NRXN3: variants seen among roughly 807,000 people sequenced by gnomAD.
The protein encoded by NRXN3 is neurexin III.
In NRXN3, 32 loss-of-function variants were observed where a neutral mutation model predicts 137.6. That is an observed-to-expected ratio of 0.23 (90% CI 0.18 to 0.31). The LOEUF is 0.31. Among genes scored for constraint, NRXN3 ranks in the 10% least tolerant of loss-of-function variants. NRXN3 has a pLI of 1.00. For missense variants in NRXN3, 1,574 were observed against 2,062.5 expected (o/e 0.76, Z 4.59); for synonymous variants, 798 against 784.5 (o/e 1.02, Z -0.29).
intron 16 of NRXN3, among the ~76,000 whole-genome samples, chr14:79,544,929 G>T (rs61995209): frequency 6.6e-6 from 1 of 152,006 alleles, no homozygotes; most frequent in Non-Finnish European, 1.5e-5. Flanking sequence ...CTTGGAAGAG[G>T]GGAAAGCTCA....
At position 78,479,131 on chromosome 14, in the gene NRXN3, C is replaced by A. The variant is rs760711622; in HGVS notation, c.758-165989C>A. Reference sequence around the variant, plus strand: ...TTATTATTGCTCTAAGTCAGTTTTCCATCTTGGCTACACATTAGAATCACC... The same window carrying A: ...TTATTATTGCTCTAAGTCAGTTTTCAATCTTGGCTACACATTAGAATCACC... On this transcript the variant is annotated intron_variant, in intron 4 of 20. Transcript: ENST00000335750. Among the ~76,000 whole-genome samples, 83 of 152,140 alleles carry A rather than the reference C, an allele frequency of 5.5e-4. 1 individual carries two copies. The highest frequency in any genetic ancestry group is 2.8e-4 in the Non-Finnish European group (19 of 68,036).
chr14:79,243,323 A>G (rs2074600881), intron 15 of NRXN3, among the ~76,000 whole-genome samples: 1 of 152,210 alleles, frequency 6.6e-6, no homozygotes, highest in African/African-American at 2.4e-5. Context: ...ACAGCAGATA[A>G]GCAACTGGCT....
chr14:79,777,772 G>T (rs1413396946), intron 19 of NRXN3, among the ~76,000 whole-genome samples: 3 of 151,418 alleles, frequency 2.0e-5, no homozygotes, highest in Admixed American at 6.6e-5. Flanking sequence ...TATAGCAAAT[G>T]TTGAGATATA....
intron 15 of NRXN3, among the ~76,000 whole-genome samples, chr14:79,029,525 A>G (rs1376451424): frequency 6.6e-6 from 1 of 152,126 alleles, no homozygotes; most frequent in East Asian, 1.9e-4. Flanking sequence ...GATGGATGGA[A>G]AAGATTTCTT....
intron 8 of NRXN3, among the ~76,000 whole-genome samples, chr14:78,762,560 A>G (rs758519900): frequency 6.6e-6 from 1 of 152,124 alleles, no homozygotes; most frequent in Non-Finnish European, 1.5e-5. Flanking sequence ...GTGTCAACAC[A>G]TGGGGGTGAG....
intron 10 of NRXN3, among the ~76,000 whole-genome samples, chr14:78,931,514 G>A (rs1434797708): frequency 6.6e-6 from 1 of 152,144 alleles, no homozygotes; most frequent in Non-Finnish European, 1.5e-5. Flanking sequence ...AAAGAAGCCA[G>A]CATTTATTGA....
At chr14:78,624,826 TG>T (rs2097440144) in intron 4 of NRXN3, among the ~76,000 whole-genome samples, 3 of 149,608 alleles carry the variant, frequency 2.0e-5, no homozygotes, top group Non-Finnish European at 3.0e-5. Flanking sequence ...TGTGTGTGTG[TG>T]TGTGTTTGTT....
At chr14:78,906,341 C>G (rs991779130) in intron 10 of NRXN3, among the ~76,000 whole-genome samples, 19 of 151,964 alleles carry the variant, frequency 1.3e-4, no homozygotes, top group Non-Finnish European at 2.9e-5. Context: ...CTACTTTCTT[C>G]CCATGATTTC....
intron 19 of NRXN3, among the ~76,000 whole-genome samples, chr14:79,740,711 TTTATATATATA>T (rs1473864197): frequency 1.7e-3 from 25 of 14,920 alleles, no homozygotes; most frequent in Non-Finnish European, 2.2e-3. Flanking sequence ...CATTTAGTTT[TTTATATATATA>T]TATATATATA....
chr14:79,272,367 T>A (rs1035993487), intron 15 of NRXN3, among the ~76,000 whole-genome samples: 2 of 152,102 alleles, frequency 1.3e-5, no homozygotes, highest in African/African-American at 4.8e-5. Flanking sequence ...TGCACCAAAG[T>A]GAAGGACAGG....
At chr14:78,927,104 G>A (rs559236503) in intron 10 of NRXN3, among the ~76,000 whole-genome samples, 4 of 129,800 alleles carry the variant, frequency 3.1e-5, no homozygotes, top group South Asian at 4.7e-4. Flanking sequence ...TCAGTGAGTC[G>A]TGATTGTGCC....
intron 19 of NRXN3, among the ~76,000 whole-genome samples, chr14:79,767,843 C>T (rs2099061317): frequency 1.3e-5 from 2 of 152,186 alleles, no homozygotes; most frequent in South Asian, 4.1e-4. Flanking sequence ...GTGATTTCTG[C>T]ATTTCCATCT....
rs116520339 is a variant in NRXN3 at position 79,049,868 on chromosome 14, A to G, written c.3262+61727A>G. Reference sequence around the variant, plus strand: ...CAATTTAAAAATGTATATCATATATATATTTAAATATTATAATAAAACTAA... The same window carrying G: ...CAATTTAAAAATGTATATCATATATGTATTTAAATATTATAATAAAACTAA... On this transcript the variant is annotated intron_variant, in intron 15 of 20. Coordinates refer to ENST00000335750, the MANE Select transcript of NRXN3 (RefSeq NM_001330195.2). Among the ~76,000 whole-genome samples the G allele has an allele frequency of 6.3e-3, 960 of 151,896 alleles. 10 individuals carry two copies. The highest frequency in any genetic ancestry group is 0.022 in the African/African-American group (910 of 41,500).
intron 1 of NRXN3, among the ~76,000 whole-genome samples, chr14:78,216,027 A>T (rs1236574390): frequency 6.6e-6 from 1 of 152,194 alleles, no homozygotes; most frequent in Non-Finnish European, 1.5e-5. Flanking sequence ...CAGAGGAGAA[A>T]GTTTTGTTAA....
chr14:78,499,483 G>A (rs1211692017), intron 4 of NRXN3, among the ~76,000 whole-genome samples: 3 of 152,182 alleles, frequency 2.0e-5, no homozygotes, highest in Non-Finnish European at 4.4e-5. Flanking sequence ...TTATGACTTT[G>A]TATTGAATTA....
intron 15 of NRXN3, among the ~76,000 whole-genome samples, chr14:79,383,036 A>G (rs527752529): frequency 3.2e-4 from 49 of 152,118 alleles, no homozygotes; most frequent in African/African-American, 9.6e-4. Flanking sequence ...GATATTACTG[A>G]AAAACTTTTG....
chr14:79,735,902 G>A lies in NRXN3; in HGVS notation c.4014+37965G>A, dbSNP rs77277907. ...ATAATTAGCTCTTCCTGTTGGTATA[G>A]GAAAAAATTAGTCACACATAATTGG... is the stretch of plus-strand genomic sequence containing the variant. On this transcript the variant is annotated intron_variant, in intron 19 of 20. Transcript: ENST00000335750. Among the ~76,000 whole-genome samples, 351 of 152,192 alleles carry A rather than the reference G, an allele frequency of 2.3e-3. 12 individuals are homozygous for A. The East Asian group carries it at 0.044, about 19-fold the overall frequency.
At chr14:79,248,195 C>T (rs79302561) in intron 15 of NRXN3, among the ~76,000 whole-genome samples, 2,056 of 152,270 alleles carry the variant, frequency 0.014, 24 homozygotes, top group East Asian at 0.042. Context: ...CCTTCAATGA[C>T]CTCGGCTTAC....
intron 15 of NRXN3, among the ~76,000 whole-genome samples, chr14:79,307,953 T>C (rs2086402983): frequency 6.6e-6 from 1 of 152,100 alleles, no homozygotes; most frequent in Admixed American, 6.6e-5. Context: ...CAAGGTGTCA[T>C]GGAGCATTGT....
Sources: gnomAD v4.1 joint callset for allele counts (sites outside exome capture counted in the v4.1 genomes callset) on GRCh38, gnomAD v4.1.1 for gene constraint, MANE v1.5 for transcripts, NCBI Gene and HGNC (gene_info 2026-07-23, HGNC 2026-07-21) for gene names.